ZNF609: variants seen among roughly 807,000 people sequenced by gnomAD.
ZNF609 encodes the protein zinc finger protein 609.
Under a neutral mutation model 109.5 loss-of-function variants are expected in ZNF609, and 11 were observed. The observed-to-expected ratio is 0.10, with a 90% CI of 0.06 to 0.17. The LOEUF (loss-of-function observed/expected upper bound fraction) is 0.17, where lower values mean the gene tolerates loss of function less well. Ranked by LOEUF, ZNF609 falls within the 10% of genes least tolerant of loss-of-function variation. The pLI, the probability that ZNF609 is intolerant of heterozygous loss-of-function variation, is 1.00. For missense variants in ZNF609, 1,559 were observed against 1,772.4 expected, an observed-to-expected ratio of 0.88 and a Z score of 2.16; for synonymous variants, 646 against 662.0, an observed-to-expected ratio of 0.98 and a Z score of 0.37.
At position 64,569,891 on chromosome 15, in the gene ZNF609, G is replaced by A. The variant is rs142845969; in HGVS notation, c.748-52936G>A. Among the ~76,000 whole-genome samples, 4 of 152,310 alleles carry A rather than the reference G, an allele frequency of 2.6e-5. No individual in the cohort carries two copies. In the East Asian group the frequency reaches 7.7e-4, roughly 29 times the overall value. On this transcript the variant is annotated intron_variant, in intron 2 of 9. Transcript: ENST00000326648. ...AAAGCAAATGCAATAAATGCCCACA[G>A]AATGTTCTTGACTTTTCTTTTTCTT...
chr15:64,499,707 C>T lies in ZNF609; in HGVS notation c.288C>T (p.Gly96=). The part of the protein sequence containing the change: ...GKSKSKRSKS[G]KDTSKPTPGT... ...CAAAATCCAAAAGGAGTAAGAGTGG[C>T]AAAGACACTAGCAAACCCACTCCAG... Residue 96 remains glycine (G), a synonymous_variant, in exon 2 of 10, where the codon GGC becomes GGT. Coordinates refer to ENST00000326648, the MANE Select transcript of ZNF609 (RefSeq NM_015042.2). The T allele has an allele frequency of 6.2e-7, 1 of 1,614,054 alleles. No homozygotes were observed. Among genetic ancestry groups the T allele is most frequent in the Non-Finnish European group, 8.5e-7 (1 of 1,180,026 alleles).
chr15:64,498,174 C>G (rs960119718), intron 1 of ZNF609, among the ~76,000 whole-genome samples: 1 of 151,944 alleles, frequency 6.6e-6, no homozygotes, highest in Non-Finnish European at 1.5e-5. Context: ...CTCAGCCTCC[C>G]GAGTAGCTGG....
At chr15:64,462,916 T>C (rs560401249) in intron 1 of ZNF609, among the ~76,000 whole-genome samples, 6 of 152,218 alleles carry the variant, frequency 3.9e-5, no homozygotes, top group Admixed American at 3.9e-4. Flanking sequence ...TGTACATATC[T>C]GATAGAAGTG....
chr15:64,662,729 G>A (rs562193411), intron 3 of ZNF609, among the ~76,000 whole-genome samples: 6 of 151,870 alleles, frequency 4.0e-5, no homozygotes, highest in Admixed American at 2.0e-4. Context: ...GCAGTGGCGC[G>A]ATCTCGGATC....
chr15:64,579,409 C>CAA (rs772818773), intron 2 of ZNF609, among the ~76,000 whole-genome samples: 1,164 of 79,828 alleles, frequency 0.015, 27 homozygotes, highest in African/African-American at 0.048. Context: ...GACCCTGTCT[C>CAA]AAAAAAAAAA....
intron 2 of ZNF609, among the ~76,000 whole-genome samples, chr15:64,618,466 A>G (rs1322511166): frequency 2.0e-5 from 3 of 152,122 alleles, no homozygotes; most frequent in Non-Finnish European, 4.4e-5. Flanking sequence ...GTGTTAGCTC[A>G]ATTAGACCCC....
intron 1 of ZNF609, among the ~76,000 whole-genome samples, chr15:64,492,500 T>G (rs1411625619): frequency 6.6e-6 from 1 of 152,206 alleles, no homozygotes; most frequent in Non-Finnish European, 1.5e-5. Flanking sequence ...ACTAGAACCT[T>G]ATAAGAGTAG....
At position 64,618,217 on chromosome 15, in the gene ZNF609, C is replaced by T. The variant is rs79073848; in HGVS notation, c.748-4610C>T. 2.5e-4 allele frequency among the ~76,000 whole-genome samples: 38 copies of T among 152,220 alleles called. No individual in the cohort carries two copies. The East Asian group carries it at 3.5e-3, about 14-fold the overall frequency. On this transcript the variant is annotated intron_variant, in intron 2 of 9. Coordinates refer to ENST00000326648, the MANE Select transcript of ZNF609 (RefSeq NM_015042.2). Reference sequence around the variant, plus strand: ...CACAGCTCACTGCAGCCTTCACCCCCGGGACAAAACTTTCCTCCTGAAATG... The same window carrying T: ...CACAGCTCACTGCAGCCTTCACCCCTGGGACAAAACTTTCCTCCTGAAATG...
At chr15:64,645,696 C>G (rs1415008882) in intron 3 of ZNF609, among the ~76,000 whole-genome samples, 2 of 151,944 alleles carry the variant, frequency 1.3e-5, no homozygotes, top group African/African-American at 4.8e-5. Flanking sequence ...AAAACCCAAA[C>G]AACCTAATTC....
At chr15:64,679,420 C>T (rs1259091771) in intron 6 of ZNF609, among the ~76,000 whole-genome samples, 2 of 152,158 alleles carry the variant, frequency 1.3e-5, no homozygotes, top group Admixed American at 1.3e-4. Flanking sequence ...TAACTCTACT[C>T]GTTTTGTTGC....
At chr15:64,525,969 T>C (rs959542683) in intron 2 of ZNF609, among the ~76,000 whole-genome samples, 13 of 152,018 alleles carry the variant, frequency 8.6e-5, no homozygotes, top group Admixed American at 1.3e-4. Context: ...TTTGTATTTT[T>C]AGTAGAGCTC....
chr15:64,601,579 C>A (rs1895498204), intron 2 of ZNF609, among the ~76,000 whole-genome samples: 1 of 152,166 alleles, frequency 6.6e-6, no homozygotes. Flanking sequence ...ATAATAAGTA[C>A]CCTCTTTTCT....
chr15:64,630,901 C>T (rs1272284197), intron 3 of ZNF609, among the ~76,000 whole-genome samples: 1 of 152,174 alleles, frequency 6.6e-6, no homozygotes, highest in Non-Finnish European at 1.5e-5. Context: ...TGTTTTCTAA[C>T]CAGTTGAGTA....
At chr15:64,492,452 A>C (rs576566974) in intron 1 of ZNF609, among the ~76,000 whole-genome samples, 1 of 152,208 alleles carries the variant, frequency 6.6e-6, no homozygotes, top group African/African-American at 2.4e-5. Flanking sequence ...TGCCTTGTGA[A>C]AGGTAGAACC....
intron 3 of ZNF609, among the ~76,000 whole-genome samples, chr15:64,647,769 A>G (rs778401060): frequency 3.3e-5 from 5 of 152,190 alleles, no homozygotes; most frequent in Non-Finnish European, 7.3e-5. Flanking sequence ...CATTTTTTAC[A>G]TCATCAATAA....
chr15:64,585,805 T>G (rs1390358044), intron 2 of ZNF609, among the ~76,000 whole-genome samples: 2 of 152,196 alleles, frequency 1.3e-5, no homozygotes, highest in Non-Finnish European at 2.9e-5. Context: ...GGAGACTGAT[T>G]CTAAAGGATT....
chr15:64,595,054 G>C (rs1356082453), intron 2 of ZNF609, among the ~76,000 whole-genome samples: 1 of 144,746 alleles, frequency 6.9e-6, no homozygotes, highest in Non-Finnish European at 1.5e-5. Flanking sequence ...TACTGGGTTT[G>C]GAGCTGTGAG....
chr15:64,637,050 T>C (rs1896187077), intron 3 of ZNF609, among the ~76,000 whole-genome samples: 1 of 152,136 alleles, frequency 6.6e-6, no homozygotes, highest in South Asian at 2.1e-4. Flanking sequence ...CTTTCATGCC[T>C]CCCTTCTAAT....
chr15:64,460,510 T>G (rs1366177347), upstream of ZNF609, among the ~76,000 whole-genome samples: 1 of 152,030 alleles, frequency 6.6e-6, no homozygotes, highest in Non-Finnish European at 1.5e-5. Flanking sequence ...GGCTCCAGAC[T>G]CCACACAAGC....
Sources: gnomAD v4.1 joint callset for allele counts (sites outside exome capture counted in the v4.1 genomes callset) on GRCh38, gnomAD v4.1.1 for gene constraint, MANE v1.5 for transcripts, NCBI Gene and HGNC (gene_info 2026-07-23, HGNC 2026-07-21) for gene names.